The following USP11 variants were observed in gnomAD, a reference collection of about 807,000 sequenced individuals.
The protein encoded by USP11 is ubiquitin carboxyl-terminal hydrolase 11.
In USP11, 5 loss-of-function variants were observed where a neutral mutation model predicts 72.8. That is an observed-to-expected ratio of 0.07 (90% CI 0.04 to 0.14). The LOEUF is 0.14. Among genes scored for constraint, USP11 ranks in the 10% least tolerant of loss-of-function variants. The pLI is 1.00. For synonymous variants in USP11, 368 were observed against 326.5 expected (o/e 1.13, Z -1.37); for missense variants, 480 against 794.7 (o/e 0.60, Z 4.76).
intron 1 of USP11, among the ~76,000 whole-genome samples, chrX:47,234,746 A>G (rs776410584): frequency 8.9e-5 from 10 of 111,942 alleles, no homozygotes; most frequent in East Asian, 2.8e-4. Context: ...TACATGTTCT[A>G]CCACCCCCCA....
At chrX:47,237,673 T>G (rs895773559) in intron 1 of USP11, among the ~76,000 whole-genome samples, 1 of 111,628 alleles carries the variant, frequency 9.0e-6, no homozygotes, top group Non-Finnish European at 1.9e-5. Flanking sequence ...TATAATGTTA[T>G]GTGCATTTCA....
At position 47,243,072 on chromosome X, in the gene USP11, G is replaced by A. The variant is rs757942110; in HGVS notation, c.1584-324G>A. 1.7e-4 allele frequency among the ~76,000 whole-genome samples: 19 copies of A among 111,228 alleles called. No individual in the cohort carries two copies. In the East Asian group the frequency reaches 5.4e-3, roughly 32 times the overall value. ...AGGTCAGGAGATGGAGACCATCCTG[G>A]CTAACACGGTGAAACCCCGTCTCTA... On this transcript the variant is annotated intron_variant, in intron 12 of 20. Transcript: ENST00000377107.
intron 6 of USP11, 26 bp from the exon 7 acceptor site, chrX:47,240,748 G>T (rs1169181942): frequency 1.7e-6 from 2 of 1,209,478 alleles, no homozygotes; most frequent in Non-Finnish European, 2.2e-6. Context: ...CAGGCCCTCA[G>T]CTGACAGTTT....
chrX:47,243,556 C>T lies in USP11; in HGVS notation c.1744C>T (p.Arg582Cys), dbSNP rs1416964590. 45 of 1,211,820 alleles carry T rather than the reference C, an allele frequency of 3.7e-5. No homozygotes were observed. The highest frequency in any genetic ancestry group is 5.0e-5 in the Non-Finnish European group (45 of 895,535). Residue 582 changes from arginine (R) to cysteine (C), a missense_variant, in exon 13 of 21, where the codon CGC becomes TGC. By Grantham distance (180) the Arg-to-Cys change is radical. Coordinates refer to ENST00000377107, the MANE Select transcript of USP11 (RefSeq NM_001371072.1). Reference sequence around the variant, plus strand: ...CCTCCTGGTATCAGTGCCCCGGGACCGCTTCACCTGGGAGGGCCTGTATAA... The same window carrying T: ...CCTCCTGGTATCAGTGCCCCGGGACTGCTTCACCTGGGAGGGCCTGTATAA... ...HPLLVSVPRD[R>C]FTWEGLYNVL...
At chrX:47,246,207 C>T (rs1000733154) in intron 17 of USP11, among the ~76,000 whole-genome samples, 10 of 112,300 alleles carry the variant, frequency 8.9e-5, no homozygotes, top group Non-Finnish European at 1.9e-4. Flanking sequence ...TTGTCATCTT[C>T]GTTAGAGTCA....
intron 17 of USP11, among the ~76,000 whole-genome samples, chrX:47,246,534 TCAAA>T (rs1440185810): frequency 9.0e-6 from 1 of 110,909 alleles, no homozygotes; most frequent in African/African-American, 3.3e-5. Context: ...GGAACAGAAA[TCAAA>T]CAAAAATACA....
At chrX:47,233,970 T>C (rs1007330296) in intron 1 of USP11, 3 of 112,301 alleles carry the variant, frequency 2.7e-5, no homozygotes, top group African/African-American at 6.5e-5. Context: ...TGGTACTGTT[T>C]TGTTTTTAGA....
At chrX:47,233,874 A>AT (rs1272842068) in intron 1 of USP11, 1 of 112,537 alleles carries the variant, frequency 8.9e-6, no homozygotes, top group African/African-American at 3.3e-5. Context: ...GTGGTTTTTG[A>AT]TTCTGGCGGA....
Position 47,239,935 on chromosome X carries a change from G to C in USP11, c.535+28G>C, listed in dbSNP as rs200539597. 6.8e-6 allele frequency: 8 copies of C among 1,172,883 alleles called. No individual in the cohort carries two copies. The East Asian group carries it at 2.4e-4, about 35-fold the overall frequency. On this transcript the variant is annotated intron_variant, in intron 4 of 20. Coordinates refer to ENST00000377107, the MANE Select transcript of USP11 (RefSeq NM_001371072.1). The stretch of plus-strand genomic sequence containing the variant: ...GAGTCTAAGGGTCACGCAATGGGTT[G>C]GTGTTCCTAGCTACTAGTCCCAACT...
chrX:47,245,435 C>T lies in USP11; in HGVS notation c.2223C>T (p.Cys741=). 8.3e-7 allele frequency: 1 copy of T among 1,211,517 alleles called. No homozygotes were observed. The highest frequency in any genetic ancestry group is 1.1e-6 in the Non-Finnish European group (1 of 895,138). The change falls in exon 17 of 21, where the codon TGC becomes TGT. Residue 741 remains cysteine (C), a synonymous_variant. Transcript: ENST00000377107. ...AGGCTCCCGTGCGGCTGCAGGAGTG[C>T]ATTGAGCTCTTCACCACTGTGGAGA... ...MKKAPVRLQE[C]IELFTTVETL...
chrX:47,239,298 C>A (rs2055390257), intron 2 of USP11, 53 bp from the exon 3 acceptor site: 19 of 1,192,777 alleles, frequency 1.6e-5, no homozygotes, highest in Non-Finnish European at 1.9e-5. Flanking sequence ...CAGAGTCATT[C>A]GTCAGTTTCC....
chrX:47,241,533 C>T lies in USP11; in HGVS notation c.1021-8C>T, dbSNP rs1366346966. The stretch of plus-strand genomic sequence containing the variant: ...CTCTCTCTCTGATGACCCTGCCCAT[C>T]TTCTTAGAACAAGGTTGGCCATTTT... On this transcript the variant is annotated splice_polypyrimidine_tract_variant and splice_region_variant and intron_variant, in intron 8 of 20. Transcript: ENST00000377107. 1.7e-6 allele frequency: 2 copies of T among 1,190,781 alleles called. No individual in the cohort carries two copies. The highest frequency in any genetic ancestry group is 2.3e-6 in the Non-Finnish European group (2 of 884,588).
In USP11 at chrX:47,242,718, C is replaced by G; in HGVS notation, c.1581C>G (p.Phe527Leu). 1 of 1,196,042 alleles carries G rather than the reference C, an allele frequency of 8.4e-7. No homozygotes were observed. Among genetic ancestry groups the G allele is most frequent in the Non-Finnish European group, 1.1e-6 (1 of 881,175 alleles). The change falls in exon 12 of 21, where the codon TTC becomes TTG. Residue 527 changes from phenylalanine (F) to leucine (L), a missense_variant and splice_region_variant. Around this residue, in one of 5 missense-constraint regions of USP11, gnomAD observed 314 missense variants for 556.0 expected, o/e 0.56. Transcript: ENST00000377107. The stretch of plus-strand genomic sequence containing the variant: ...GCATCTTGGACCGTGATGATATCTT[C>G]GTGTGAGTGGGGATGGCAGGGAGGT... ...LSSILDRDDI[F>L]VYEVSGRIEA...
chrX:47,246,992 G>C (rs2055437113), intron 17 of USP11, 80 bp from the exon 18 acceptor site: 1 of 1,108,822 alleles, frequency 9.0e-7, no homozygotes, highest in African/African-American at 1.9e-5. Context: ...CTGTACTCCA[G>C]CCTGGGCAAC....
In USP11 at chrX:47,244,531, G is replaced by T; in HGVS notation, c.1824G>T (p.Glu608Asp). Residue 608 changes from glutamate to aspartate, a missense_variant, in exon 14 of 21, where the codon GAG becomes GAT. Glu to Asp is a conservative substitution (Grantham distance 45). Around this residue, in one of 5 missense-constraint regions of USP11, gnomAD observed 314 missense variants for 556.0 expected, o/e 0.56. Transcript: ENST00000377107. ...TGACCAAACCCAACTCAGATGATGA[G>T]GACGATGGGGATGAGAAAGGTGAGG... ...RYVTKPNSDD[E>D]DDGDEKEDDE... 3.3e-6 allele frequency: 4 copies of T among 1,211,162 alleles called. No individual in the cohort carries two copies. Among genetic ancestry groups the T allele is most frequent in the Non-Finnish European group, 4.5e-6 (4 of 895,346 alleles).
At chrX:47,247,741 T>C (rs1033082871) in intron 20 of USP11, 42 bp downstream of exon 20, 2 of 1,209,033 alleles carry the variant, frequency 1.7e-6, no homozygotes, top group East Asian at 3.0e-5. Context: ...TCCTTTCTGA[T>C]TCCACCTCCC....
intron 17 of USP11, among the ~76,000 whole-genome samples, chrX:47,246,482 A>G (rs920972451): frequency 1.5e-4 from 17 of 112,363 alleles, no homozygotes; most frequent in African/African-American, 5.5e-4. Flanking sequence ...AGAGGAAACT[A>G]GAAGGATAGA....
chrX:47,239,718 CCT>C lies in USP11; in HGVS notation c.418-68_418-67del, dbSNP rs1036899749. ...ATGTTTGTAAGGCAGAGTGTGTGCTCCTCTCATTTGAGAGGTCACAGCGCTGT... is the reference window on the plus strand; with the variant it reads ...ATGTTTGTAAGGCAGAGTGTGTGCTCCTCATTTGAGAGGTCACAGCGCTGT... On this transcript the variant is annotated intron_variant, in intron 3 of 20. Transcript: ENST00000377107. 7 of 1,075,879 alleles carry C rather than the reference CCT, an allele frequency of 6.5e-6. No homozygotes were observed. The Admixed American group carries it at 1.6e-4, about 24-fold the overall frequency. 88.7% of individuals were successfully genotyped at this position (1,075,879 alleles called of 1,213,427 possible). A position where few individuals can be genotyped will look rare whatever the true frequency, so the allele number is the denominator to read the frequency against.
intron 12 of USP11, among the ~76,000 whole-genome samples, 165 bp from the exon 13 acceptor site, chrX:47,243,231 G>C (rs1046523486): frequency 3.4e-4 from 38 of 112,281 alleles, no homozygotes; most frequent in Non-Finnish European, 6.0e-4. Context: ...CCACTGCACT[G>C]CAGCCTGGGC....
Sources: gnomAD v4.1 joint callset for allele counts (sites outside exome capture counted in the v4.1 genomes callset) on GRCh38, gnomAD v4.1.1 for gene constraint, gnomAD v4.1.1 regional missense constraint, MANE v1.5 for transcripts, NCBI Gene and HGNC (gene_info 2026-07-23, HGNC 2026-07-21) for gene names.